Variants in HTRA4 observed in about 807,000 individuals in gnomAD.
The protein encoded by HTRA4 is serine protease HTRA4.
In HTRA4, 46 loss-of-function variants were observed where a neutral mutation model predicts 49.1. The ratio of observed to expected loss-of-function variants is 0.94; its 90% CI spans 0.74 to 1.20. The LOEUF is 1.20. HTRA4 is among the 50% of genes most tolerant of loss of function. The pLI is 0.00. For synonymous variants in HTRA4, 261 were observed against 264.0 expected, an observed-to-expected ratio of 0.99 and a Z score of 0.11; for missense variants, 602 against 636.9, an observed-to-expected ratio of 0.95 and a Z score of 0.59.
In HTRA4 at chr8:38,981,665, A is replaced by G; in HGVS notation, c.1012A>G (p.Ile338Val). The G allele has an allele frequency of 6.2e-7, 1 of 1,612,958 alleles. No homozygotes were observed. The highest frequency in any genetic ancestry group is 1.7e-5 in the Admixed American group (1 of 59,876). The change falls in exon 6 of 9, where the codon ATT (isoleucine) becomes GTT (valine). Residue 338 changes from isoleucine (I) to valine (V), a missense_variant. Transcript: ENST00000302495. ...GPLVNLDGDVIGVNSLRVTDG... is the reference protein window; with the variant it reads ...GPLVNLDGDVVGVNSLRVTDG... ...CCTCCCTTGCCAGGATGGTGATGTG[A>G]TTGGCGTCAATTCATTGAGGGTGAC... is the stretch of plus-strand genomic sequence containing the variant.
At chr8:38,984,476 G>A (rs575246933) in intron 8 of HTRA4, among the ~76,000 whole-genome samples, 5 of 151,782 alleles carry the variant, frequency 3.3e-5, no homozygotes, top group African/African-American at 9.7e-5. Context: ...GCCAGGTGCC[G>A]TGACTCACGC....
chr8:38,981,785 T>A lies in HTRA4; in HGVS notation c.1114+18T>A. 1.5e-6 allele frequency: 2 copies of A among 1,341,720 alleles called. No individual in the cohort carries two copies. Among genetic ancestry groups the A allele is most frequent in the Non-Finnish European group, 2.0e-6 (2 of 978,670 alleles). The allele number at this position is 1,341,720 out of a possible 1,614,324, so 83.1% of individuals were successfully genotyped here. A position where few individuals can be genotyped will look rare whatever the true frequency, so the allele number is the denominator to read the frequency against. ...GATGAAAGGTAAAGCAAGTTGGGAT[T>A]TTTTTTTTTTTGGTTTCGTCTTGTG... On this transcript the variant is annotated intron_variant, in intron 6 of 8. Coordinates refer to ENST00000302495, the MANE Select transcript of HTRA4 (RefSeq NM_153692.4).
chr8:38,982,839 C>T, intron 7 of HTRA4, 114 bp from the exon 8 acceptor site: 1 of 706,774 alleles, frequency 1.4e-6, no homozygotes, highest in Non-Finnish European at 2.4e-6. Flanking sequence ...TTGATGGAAT[C>T]TTCCTCGGCC....
intron 8 of HTRA4, among the ~76,000 whole-genome samples, chr8:38,985,230 G>T (rs1318667540): frequency 6.9e-6 from 1 of 144,456 alleles, no homozygotes; most frequent in Non-Finnish European, 1.5e-5. Flanking sequence ...ATGCGATCTC[G>T]GCTCACTGCA....
At chr8:38,986,494 C>T (rs1835484088) in intron 8 of HTRA4, among the ~76,000 whole-genome samples, 2 of 152,168 alleles carry the variant, frequency 1.3e-5, no homozygotes, top group African/African-American at 2.4e-5. Flanking sequence ...GTCTCGAACT[C>T]CTGACCTCAG....
chr8:38,974,338 C>T lies in HTRA4; in HGVS notation c.75C>T (p.Pro25=), dbSNP rs201193022. ...CGGGGCTGCTGCTGCTCCTGGTGCC[C>T]GTCCTCTGGGCCGGGGCTGAAAAGC... is the stretch of plus-strand genomic sequence containing the variant. ...LLPGLLLLLV[P]VLWAGAEKLH... Residue 25 remains proline (P), a synonymous_variant, in exon 1 of 9, where the codon CCC becomes CCT. Transcript: ENST00000302495. The T allele has an allele frequency of 6.2e-7, 1 of 1,612,098 alleles. No individual in the cohort carries two copies.
At chr8:38,986,347 A>T (rs1299209110) in intron 8 of HTRA4, among the ~76,000 whole-genome samples, 1 of 152,108 alleles carries the variant, frequency 6.6e-6, no homozygotes, top group Non-Finnish European at 1.5e-5. Context: ...CAATGGCATG[A>T]TCTCAGCTCA....
Position 38,976,667 on chromosome 8 carries a change from G to A in HTRA4, c.699G>A (p.Gly233=), listed in dbSNP as rs150142988. 1.1e-5 allele frequency: 17 copies of A among 1,614,044 alleles called. No individual in the cohort carries two copies. In the African/African-American group the frequency reaches 2.1e-4, roughly 20 times the overall value. ...QQWIEVVLQN[G]ARYEAVVKDI... is the part of the protein sequence containing the mutation. ...GGATTGAGGTGGTGCTCCAGAATGG[G>A]GCCCGTTATGAAGCTGTTGTCAAGG... is the stretch of plus-strand genomic sequence containing the variant. The change falls in exon 3 of 9, where the codon GGG becomes GGA. Residue 233 remains glycine, a synonymous_variant. Transcript: ENST00000302495.
chr8:38,987,949 G>A lies in HTRA4; in HGVS notation c.1282G>A (p.Asp428Asn), dbSNP rs150884623. Residue 428 changes from aspartate to asparagine, a missense_variant, in exon 9 of 9, where the codon GAT becomes AAT. Physicochemically the swap from Asp to Asn is conservative, Grantham distance 23. Coordinates refer to ENST00000302495, the MANE Select transcript of HTRA4 (RefSeq NM_153692.4). ...TCCCTCTCTCAGCTCTGGATTGAGAGATCACGATGTAATTGTCAACATAAA... is the reference window on the plus strand; with the variant it reads ...TCCCTCTCTCAGCTCTGGATTGAGAAATCACGATGTAATTGTCAACATAAA... ...GTAAQSSGLRDHDVIVNINGK... is the reference protein window; with the variant it reads ...GTAAQSSGLRNHDVIVNINGK... The A allele has an allele frequency of 1.3e-6, 2 of 1,594,140 alleles. No homozygotes were observed. Among genetic ancestry groups the A allele is most frequent in the Non-Finnish European group, 1.7e-6 (2 of 1,174,240 alleles).
chr8:38,982,270 A>T (rs1835433213), intron 6 of HTRA4, among the ~76,000 whole-genome samples: 1 of 152,126 alleles, frequency 6.6e-6, no homozygotes, highest in South Asian at 2.1e-4. Context: ...TTGTACCCAG[A>T]AGTATTTGGA....
intron 8 of HTRA4, among the ~76,000 whole-genome samples, chr8:38,987,689 C>A (rs1294973271): frequency 4.6e-5 from 7 of 152,146 alleles, no homozygotes; most frequent in Admixed American, 4.6e-4. Flanking sequence ...GAGGAGTAAA[C>A]TTCTCACATG....
At chr8:38,984,617 C>T (rs918036710) in intron 8 of HTRA4, among the ~76,000 whole-genome samples, 3 of 152,024 alleles carry the variant, frequency 2.0e-5, no homozygotes, top group South Asian at 2.1e-4. Context: ...GGTGTGGTGT[C>T]GCATGCCTGT....
At chr8:38,979,370 G>A in intron 5 of HTRA4, 123 bp downstream of exon 5, 4 of 902,114 alleles carry the variant, frequency 4.4e-6, no homozygotes, top group Non-Finnish European at 7.4e-6. Flanking sequence ...ACTGCTTGGG[G>A]CCAGGAGTTT....
chr8:38,987,717 A>ATT (rs765129718), intron 8 of HTRA4, among the ~76,000 whole-genome samples: 1 of 152,194 alleles, frequency 6.6e-6, no homozygotes, highest in Non-Finnish European at 1.5e-5. Context: ...TAGGAAATTA[A>ATT]TTTTATAAAG....
intron 7 of HTRA4, 37 bp downstream of exon 7, chr8:38,982,592 A>C: frequency 6.3e-7 from 1 of 1,599,946 alleles, no homozygotes; most frequent in Non-Finnish European, 8.6e-7. Context: ...GTTGTTTTTC[A>C]GAGGCAAAAA....
chr8:38,974,738 C>T lies in HTRA4; in HGVS notation c.466+9C>T. On this transcript the variant is annotated intron_variant, in intron 1 of 8. Transcript: ENST00000302495. ...GAACTGCGGGGATACAGGTGAGCCG[C>T]GGGGGCGCGCGCCCTCGGAACACTT... 1 of 1,418,038 alleles carries T rather than the reference C, an allele frequency of 7.1e-7. No homozygotes were observed. Among genetic ancestry groups the T allele is most frequent in the South Asian group, 1.6e-5 (1 of 64,220 alleles). The allele number at this position is 1,418,038 out of a possible 1,614,324, so 87.8% of individuals were successfully genotyped here.
chr8:38,974,748 C>T lies in HTRA4; in HGVS notation c.466+19C>T, dbSNP rs990128351. 1.5e-5 allele frequency: 21 copies of T among 1,410,656 alleles called. No individual in the cohort carries two copies. Among genetic ancestry groups the T allele is most frequent in the Non-Finnish European group, 1.9e-5 (21 of 1,088,234 alleles). The allele number at this position is 1,410,656 out of a possible 1,614,324, so 87.4% of individuals were successfully genotyped here. ...GATACAGGTGAGCCGCGGGGGCGCGCGCCCTCGGAACACTTTCTAACTCTG... is the reference window on the plus strand; with the variant it reads ...GATACAGGTGAGCCGCGGGGGCGCGTGCCCTCGGAACACTTTCTAACTCTG... On this transcript the variant is annotated intron_variant, in intron 1 of 8. Coordinates refer to ENST00000302495, the MANE Select transcript of HTRA4 (RefSeq NM_153692.4).
chr8:38,983,816 TG>T (rs1362525744), intron 8 of HTRA4, among the ~76,000 whole-genome samples: 1 of 151,876 alleles, frequency 6.6e-6, no homozygotes, highest in East Asian at 1.9e-4. Context: ...AGGCTTTTTT[TG>T]TATTTTGGGA....
rs1835317497 is a variant in HTRA4 at position 38,974,511 on chromosome 8, CGCAGGGCCAACCGTGCGCCCCGGGGCT to C, written c.253_279del (p.Gly85_Gln93del). The stretch of plus-strand genomic sequence containing the variant: ...GCCGAGCGTGAAGTCTGCGGCGGGG[CGCAGGGCCAACCGTGCGCCCCGGGGCT>C]GCAGTGCCTCCAGCCGCTGCGCCCC... On this transcript the variant is annotated inframe_deletion, in exon 1 of 9. Coordinates refer to ENST00000302495, the MANE Select transcript of HTRA4 (RefSeq NM_153692.4). 4 of 1,472,374 alleles carry C rather than the reference CGCAGGGCCAACCGTGCGCCCCGGGGCT, an allele frequency of 2.7e-6. No individual in the cohort carries two copies. In the South Asian group the frequency reaches 5.3e-5, roughly 20 times the overall value. 91.2% of individuals were successfully genotyped at this position (1,472,374 alleles called of 1,614,324 possible).
Sources: gnomAD v4.1 joint callset for allele counts (sites outside exome capture counted in the v4.1 genomes callset) on GRCh38, gnomAD v4.1.1 for gene constraint, MANE v1.5 for transcripts, NCBI Gene and HGNC (gene_info 2026-07-23, HGNC 2026-07-21) for gene names.